Variants in IL1RAPL2 observed in about 807,000 individuals in gnomAD.
IL1RAPL2 encodes interleukin 1 receptor accessory protein like 2.
Under a neutral mutation model 44.1 loss-of-function variants are expected in IL1RAPL2, and 3 were observed. The observed-to-expected ratio is 0.07, with a 90% confidence interval of 0.03 to 0.18. The LOEUF (loss-of-function observed/expected upper bound fraction) is 0.18. IL1RAPL2 is among the 10% of genes least tolerant of loss of function. The probability of loss-of-function intolerance (pLI) is 1.00; values close to 1 mark genes in which losing one functional copy is unlikely to be tolerated. For missense variants in IL1RAPL2, 391 were observed against 496.4 expected (o/e 0.79, Z 2.02); for synonymous variants, 181 against 178.8 (o/e 1.01, Z -0.10).
At chrX:105,299,123 T>G (rs1364081293) in intron 5 of IL1RAPL2, among the ~76,000 whole-genome samples, 1 of 111,912 alleles carries the variant, frequency 8.9e-6, no homozygotes, top group African/African-American at 3.2e-5. Flanking sequence ...TTATAATACA[T>G]ATAAGATCTC....
At chrX:104,878,832 A>G (rs966278976) in intron 2 of IL1RAPL2, among the ~76,000 whole-genome samples, 3 of 111,604 alleles carry the variant, frequency 2.7e-5, no homozygotes, top group Non-Finnish European at 3.8e-5. Flanking sequence ...ATATTTTATT[A>G]GCTTCCTTTT....
chrX:105,131,362 T>G (rs2033024495), intron 2 of IL1RAPL2, among the ~76,000 whole-genome samples: 1 of 110,339 alleles, frequency 9.1e-6, no homozygotes, highest in South Asian at 3.8e-4. Flanking sequence ...TTGTCACAAG[T>G]GCTCAATTGC....
chrX:104,586,575 G>T (rs767149934), intron 1 of IL1RAPL2, among the ~76,000 whole-genome samples: 9 of 111,866 alleles, frequency 8.0e-5, no homozygotes, highest in Non-Finnish European at 1.3e-4. Flanking sequence ...AAACTAAACT[G>T]CTACTTGGAC....
At chrX:105,500,962 A>G (rs2036390289) in intron 6 of IL1RAPL2, among the ~76,000 whole-genome samples, 1 of 111,658 alleles carries the variant, frequency 9.0e-6, no homozygotes, top group Non-Finnish European at 1.9e-5. Flanking sequence ...TCTCTACTAT[A>G]CCTTATGAAT....
chrX:104,863,548 T>C (rs953134628), intron 2 of IL1RAPL2, among the ~76,000 whole-genome samples: 1 of 112,157 alleles, frequency 8.9e-6, no homozygotes, highest in Non-Finnish European at 1.9e-5. Context: ...TGGGAATAAG[T>C]TAAGAACCAG....
intron 1 of IL1RAPL2, among the ~76,000 whole-genome samples, chrX:104,605,534 G>A (rs1004019001): frequency 2.2e-4 from 25 of 111,447 alleles, no homozygotes; most frequent in African/African-American, 8.1e-4. Context: ...CCAGGAGCTG[G>A]TTCTGTGAAA....
intron 5 of IL1RAPL2, among the ~76,000 whole-genome samples, chrX:105,308,885 T>C (rs372436958): frequency 2.7e-5 from 3 of 111,851 alleles, no homozygotes; most frequent in East Asian, 5.6e-4. Flanking sequence ...TCTTGTATTA[T>C]TTTATATCCC....
At chrX:104,572,006 C>G (rs765264049) in intron 1 of IL1RAPL2, among the ~76,000 whole-genome samples, 26 of 112,103 alleles carry the variant, frequency 2.3e-4, no homozygotes, top group African/African-American at 7.8e-4. Flanking sequence ...CTCTGGCTTA[C>G]TTGGGTGTGC....
At chrX:104,973,795 A>G (rs2030281562) in intron 2 of IL1RAPL2, among the ~76,000 whole-genome samples, 1 of 111,730 alleles carries the variant, frequency 9.0e-6, no homozygotes, top group African/African-American at 3.3e-5. Flanking sequence ...CTTTTCCTAC[A>G]CTATCTCTTT....
chrX:104,636,610 G>A (rs1170179542), intron 1 of IL1RAPL2, among the ~76,000 whole-genome samples: 1 of 112,055 alleles, frequency 8.9e-6, no homozygotes, highest in Admixed American at 9.4e-5. Context: ...CTAGCAGTGA[G>A]TGAGGCTTCG....
intron 3 of IL1RAPL2, among the ~76,000 whole-genome samples, chrX:105,231,491 A>T (rs5962476): frequency 0.17 from 18,802 of 111,155 alleles, 3,180 homozygotes; most frequent in African/African-American, 0.52. Context: ...GACTGATACA[A>T]AAATGGAAAA....
At chrX:104,623,090 C>T (rs779826670) in intron 1 of IL1RAPL2, among the ~76,000 whole-genome samples, 2 of 110,905 alleles carry the variant, frequency 1.8e-5, no homozygotes, top group East Asian at 5.7e-4. Flanking sequence ...TGTCTAGAAA[C>T]TGCCTTTACA....
intron 3 of IL1RAPL2, among the ~76,000 whole-genome samples, chrX:105,197,200 G>A (rs1330352514): frequency 4.5e-5 from 5 of 110,597 alleles, no homozygotes; most frequent in African/African-American, 6.6e-5. Flanking sequence ...AGTGTTAAGC[G>A]GTATTTTCTC....
At chrX:105,265,270 G>A (rs1359730967) in intron 4 of IL1RAPL2, among the ~76,000 whole-genome samples, 1 of 111,952 alleles carries the variant, frequency 8.9e-6, no homozygotes, top group African/African-American at 3.2e-5. Flanking sequence ...AATGCCCAGA[G>A]GGACCATATT....
chrX:105,219,826 C>T lies in IL1RAPL2; in HGVS notation c.357-13992C>T, dbSNP rs186480963. 65 of 1,100,000 alleles carry T rather than the reference C, an allele frequency of 5.9e-5. No individual in the cohort carries two copies. In the African/African-American group the frequency reaches 1.1e-3, roughly 19 times the overall value. 90.7% of individuals were successfully genotyped at this position (1,100,000 alleles called of 1,213,427 possible). On this transcript the variant is annotated intron_variant, in intron 3 of 10. Transcript: ENST00000372582. ...GGCGGGAGCACTAAGCAGGGTAGGACGGAGCTACCAGGTGGGAAGGGCGGG... is the reference window on the plus strand; with the variant it reads ...GGCGGGAGCACTAAGCAGGGTAGGATGGAGCTACCAGGTGGGAAGGGCGGG...
chrX:105,597,941 C>A (rs1193119984), intron 6 of IL1RAPL2, among the ~76,000 whole-genome samples: 2 of 111,331 alleles, frequency 1.8e-5, no homozygotes, highest in African/African-American at 3.3e-5. Context: ...TATGACCCAA[C>A]AATTCCTCTT....
At chrX:105,686,224 T>G (rs1480012056) in intron 6 of IL1RAPL2, among the ~76,000 whole-genome samples, 5 of 109,376 alleles carry the variant, frequency 4.6e-5, no homozygotes, top group Non-Finnish European at 9.5e-5. Context: ...AAATGTAAAT[T>G]GGCTAAATGC....
intron 9 of IL1RAPL2, 49 bp from the exon 10 acceptor site, chrX:105,755,128 A>C: frequency 1.1e-6 from 1 of 884,989 alleles, no homozygotes; most frequent in Non-Finnish European, 1.6e-6. Flanking sequence ...TAGTACTCAA[A>C]GAGAACCTGT....
chrX:104,695,996 C>T (rs893318095), intron 2 of IL1RAPL2, among the ~76,000 whole-genome samples: 5 of 110,866 alleles, frequency 4.5e-5, no homozygotes, highest in African/African-American at 1.3e-4. Context: ...TTAGTAGAGA[C>T]GGGGTTTCAC....
Sources: gnomAD v4.1 joint callset for allele counts (sites outside exome capture counted in the v4.1 genomes callset) on GRCh38, gnomAD v4.1.1 for gene constraint, MANE v1.5 for transcripts, NCBI Gene and HGNC (gene_info 2026-07-23, HGNC 2026-07-21) for gene names.